ACACA: variants seen among roughly 807,000 people sequenced by gnomAD.
ACACA encodes acetyl-CoA carboxylase 1.
In ACACA, 103 loss-of-function variants were observed where a neutral mutation model predicts 296.1. The ratio of observed to expected loss-of-function variants is 0.35; its 90% CI spans 0.30 to 0.41. The LOEUF is 0.41. ACACA is among the 10% of genes least tolerant of loss of function. ACACA has a pLI of 1.00. For missense variants in ACACA, 1,554 were observed against 2,989.7 expected (o/e 0.52, Z 11.20); for synonymous variants, 953 against 1,038.6 (o/e 0.92, Z 1.58).
At chr17:37,365,810 C>T (rs907595014) in intron 1 of ACACA, 26 of 870,180 alleles carry the variant, frequency 3.0e-5, no homozygotes, top group East Asian at 1.2e-4. Context: ...AGACTCCCCA[C>T]GATGTTTTCA....
intron 42 of ACACA, among the ~76,000 whole-genome samples, chr17:37,158,499 G>A (rs1475292941): frequency 1.3e-5 from 2 of 152,014 alleles, no homozygotes; most frequent in African/African-American, 2.4e-5. Flanking sequence ...GCATGCTGGT[G>A]CATGGTTGTA....
intron 54 of ACACA, 72 bp downstream of exon 54, chr17:37,096,924 T>C (rs2073028074): frequency 6.3e-7 from 1 of 1,587,446 alleles, no homozygotes; most frequent in Admixed American, 1.7e-5. Context: ...GACTCTTTGC[T>C]GGCGAGACTT....
At chr17:37,297,240 G>A (rs71382462) in intron 3 of ACACA, among the ~76,000 whole-genome samples, 17 of 150,240 alleles carry the variant, frequency 1.1e-4, no homozygotes, top group African/African-American at 3.9e-4. Context: ...TCGAGAGTTC[G>A]AGACCAGTCT....
chr17:37,322,990 T>C (rs1011043431), intron 3 of ACACA, among the ~76,000 whole-genome samples: 1 of 152,260 alleles, frequency 6.6e-6, no homozygotes, highest in Admixed American at 6.5e-5. Flanking sequence ...CAGAAAGCTG[T>C]CACACTGGCC....
chr17:37,379,518 T>C, intron 1 of ACACA: 2 of 1,251,064 alleles, frequency 1.6e-6, no homozygotes, highest in Admixed American at 2.8e-5. Flanking sequence ...GTTTTTTTTC[T>C]TGTAAATTTG....
chr17:37,305,916 T>G lies in ACACA; in HGVS notation c.339-20946A>C, dbSNP rs979111507. Among the ~76,000 whole-genome samples, 689 of 146,882 alleles carry G rather than the reference T, an allele frequency of 4.7e-3. 5 individuals carry two copies. The highest frequency in any genetic ancestry group is 4.7e-3 in the South Asian group (21 of 4,452). ...AGTTTTTTTTTTTGTTTTTTTTTTT[T>G]TTTTTTTTTTGAGACGGAGTCTTGT... On this transcript the variant is annotated intron_variant, in intron 3 of 55. Coordinates refer to ENST00000616317, the MANE Select transcript of ACACA (RefSeq NM_198834.3).
chr17:37,235,759 C>T (rs2080080835), intron 24 of ACACA, among the ~76,000 whole-genome samples: 1 of 152,142 alleles, frequency 6.6e-6, no homozygotes, highest in South Asian at 2.1e-4. Context: ...AAATCCAACC[C>T]AAGGTATAGA....
At position 37,155,584 on chromosome 17, in the gene ACACA, T is replaced by G; in HGVS notation, c.5447+99A>C. 3 of 838,294 alleles carry G rather than the reference T, an allele frequency of 3.6e-6. No individual in the cohort carries two copies. The Admixed American group carries it at 5.2e-5, about 14-fold the overall frequency. The allele number at this position is 838,294 out of a possible 1,614,324, so 51.9% of individuals were successfully genotyped here. On this transcript the variant is annotated intron_variant, in intron 43 of 55. Coordinates refer to ENST00000616317, the MANE Select transcript of ACACA (RefSeq NM_198834.3). ...AACATCTAGATTATGTCATCTTCAA[T>G]GTTCTTCAAGGTTATGAACAGCTGT...
At chr17:37,252,504 G>T (rs2081042123) in intron 15 of ACACA, among the ~76,000 whole-genome samples, 1 of 152,148 alleles carries the variant, frequency 6.6e-6, no homozygotes. Flanking sequence ...CAAAATCTTG[G>T]ATAATTTAGC....
intron 15 of ACACA, 120 bp from the exon 16 acceptor site, chr17:37,252,228 C>A: frequency 1.3e-6 from 1 of 779,838 alleles, no homozygotes; most frequent in South Asian, 1.4e-5. Context: ...TCTCCATTCT[C>A]ACTGCCCAAC....
At chr17:37,315,115 C>T (rs149182102) in intron 3 of ACACA, among the ~76,000 whole-genome samples, 1,645 of 152,042 alleles carry the variant, frequency 0.011, 34 homozygotes, top group African/African-American at 0.036. Flanking sequence ...TGTGCCACCA[C>T]GCCCAACTAA....
chr17:37,378,784 G>A (rs146823902), intron 1 of ACACA, among the ~76,000 whole-genome samples: 93 of 150,216 alleles, frequency 6.2e-4, no homozygotes, highest in African/African-American at 2.1e-3. Flanking sequence ...CTTCAAGGTC[G>A]GGTGCGGTGG....
At chr17:37,140,084 A>G (rs1051790517) in intron 45 of ACACA, among the ~76,000 whole-genome samples, 11 of 152,216 alleles carry the variant, frequency 7.2e-5, no homozygotes, top group African/African-American at 2.7e-4. Context: ...CTCCAAAAGT[A>G]CTCAGCTCCC....
At chr17:37,316,690 AC>A (rs1197614978) in intron 3 of ACACA, among the ~76,000 whole-genome samples, 3 of 152,186 alleles carry the variant, frequency 2.0e-5, no homozygotes, top group African/African-American at 7.2e-5. Context: ...CAATTCCACT[AC>A]TGGGTATATA....
chr17:37,104,045 T>A (rs2073525192), intron 52 of ACACA, among the ~76,000 whole-genome samples: 4 of 152,182 alleles, frequency 2.6e-5, no homozygotes, highest in Admixed American at 2.6e-4. Context: ...TCTTTTGGCT[T>A]CCTTGGGCCA....
At chr17:37,151,159 C>A (rs1337868096) in intron 44 of ACACA, 142 bp downstream of exon 44, 3 of 953,518 alleles carry the variant, frequency 3.1e-6, no homozygotes, top group Non-Finnish European at 1.6e-6. Context: ...TTCCTATTAT[C>A]ATGTGTGATT....
At chr17:37,147,631 A>T (rs2075869347) in intron 45 of ACACA, among the ~76,000 whole-genome samples, 1 of 152,236 alleles carries the variant, frequency 6.6e-6, no homozygotes, top group Admixed American at 6.5e-5. Context: ...GCACAGCTCT[A>T]TACTTAAGAG....
chr17:37,091,549 A>G (rs1239901011), intron 54 of ACACA, among the ~76,000 whole-genome samples: 1 of 152,146 alleles, frequency 6.6e-6, no homozygotes, highest in Non-Finnish European at 1.5e-5. Flanking sequence ...GGGAAAAGCA[A>G]GCTCCCTTCC....
chr17:37,187,811 T>C (rs2077595475), intron 39 of ACACA, among the ~76,000 whole-genome samples: 1 of 152,234 alleles, frequency 6.6e-6, no homozygotes, highest in South Asian at 2.1e-4. Context: ...ATGGTAGTGC[T>C]CATGCCACTA....
Sources: allele counts gnomAD v4.1 joint callset (sites outside exome capture counted in the v4.1 genomes callset), GRCh38; gene constraint gnomAD v4.1.1; transcripts MANE v1.5; gene names NCBI Gene and HGNC (gene_info 2026-07-23, HGNC 2026-07-21).